Variants in RPRD1B observed in about 807,000 individuals in gnomAD.
The protein encoded by RPRD1B is regulation of nuclear pre-mRNA domain-containing protein 1B.
A neutral mutation model predicts 41.5 loss-of-function variants in RPRD1B; 11 were observed. That is an observed-to-expected ratio of 0.27 (90% confidence interval 0.17 to 0.44). The LOEUF is 0.44. RPRD1B is among the 20% of genes least tolerant of loss of function. The probability of loss-of-function intolerance (pLI) is 1.00; values close to 1 mark genes in which losing one functional copy is unlikely to be tolerated. For synonymous variants in RPRD1B, 158 were observed against 155.6 expected (o/e 1.02, Z -0.12); for missense variants, 248 against 389.9 (o/e 0.64, Z 3.06).
chr20:38,079,839 T>A (rs1180110397), intron 6 of RPRD1B, among the ~76,000 whole-genome samples: 1 of 152,216 alleles, frequency 6.6e-6, no homozygotes, highest in Admixed American at 6.5e-5. Flanking sequence ...ACATTCTCAC[T>A]AGCCCTTTAT....
At chr20:38,044,287 A>G (rs1471529650) in intron 2 of RPRD1B, among the ~76,000 whole-genome samples, 1 of 150,880 alleles carries the variant, frequency 6.6e-6, no homozygotes, top group East Asian at 1.9e-4. Context: ...CTCATTAAAG[A>G]CTCTGTGCCC....
intron 3 of RPRD1B, among the ~76,000 whole-genome samples, chr20:38,055,172 G>A (rs905615656): frequency 3.3e-5 from 5 of 151,998 alleles, no homozygotes; most frequent in African/African-American, 4.8e-5. Flanking sequence ...AAATGTGTAC[G>A]GAAACAAAAG....
chr20:38,065,262 A>T (rs1161666547), intron 5 of RPRD1B, among the ~76,000 whole-genome samples: 1 of 152,242 alleles, frequency 6.6e-6, no homozygotes, highest in East Asian at 1.9e-4. Context: ...ATCTCAGCTC[A>T]CTGCATATAG....
At chr20:38,059,268 A>G (rs2074273125) in intron 4 of RPRD1B, 126 bp from the exon 5 acceptor site, 1 of 970,124 alleles carries the variant, frequency 1.0e-6, no homozygotes, top group Non-Finnish European at 1.5e-6. Flanking sequence ...GGCTAAGAAC[A>G]GTTTTTTTTA....
chr20:38,060,250 C>A (rs1262344183), intron 5 of RPRD1B, among the ~76,000 whole-genome samples: 1 of 152,216 alleles, frequency 6.6e-6, no homozygotes. Context: ...CTAATCTAGG[C>A]TGCAAAGCCT....
chr20:38,060,904 G>A (rs893187610), intron 5 of RPRD1B, among the ~76,000 whole-genome samples: 1 of 152,014 alleles, frequency 6.6e-6, no homozygotes, highest in Non-Finnish European at 1.5e-5. Flanking sequence ...TCCCTTCAGT[G>A]TAGTCTCCTG....
rs569078779 is a variant in RPRD1B, at chr20:38,091,193, T to G, written c.*1318T>G. On this transcript the variant is annotated 3_prime_UTR_variant, in exon 7 of 7. Coordinates refer to ENST00000373433, the MANE Select transcript of RPRD1B (RefSeq NM_021215.4). ...TGCCCCAGTAGTGTAATAGGAGTTATAGACCAGAGGCTGAAACCCAAACTA... is the reference window on the plus strand; with the variant it reads ...TGCCCCAGTAGTGTAATAGGAGTTAGAGACCAGAGGCTGAAACCCAAACTA... 1.0e-6 allele frequency: 1 copy of G among 985,844 alleles called. No individual in the cohort carries two copies. Among genetic ancestry groups the G allele is most frequent in the African/African-American group, 1.7e-5 (1 of 57,354 alleles). 61.1% of individuals were successfully genotyped at this position (985,844 alleles called of 1,614,324 possible).
At chr20:38,048,922 A>G (rs1433549072) in intron 3 of RPRD1B, among the ~76,000 whole-genome samples, 1 of 152,158 alleles carries the variant, frequency 6.6e-6, no homozygotes, top group Non-Finnish European at 1.5e-5. Context: ...TATCCTTAGG[A>G]TTGTCAGCAT....
intron 6 of RPRD1B, among the ~76,000 whole-genome samples, chr20:38,073,894 TGA>T (rs1051524293): frequency 6.6e-6 from 1 of 152,224 alleles, no homozygotes; most frequent in Non-Finnish European, 1.5e-5. Context: ...TCCTGGGAGC[TGA>T]GAGGCCCTGC....
intron 3 of RPRD1B, among the ~76,000 whole-genome samples, chr20:38,051,593 A>G (rs545927433): frequency 1.3e-5 from 2 of 152,260 alleles, no homozygotes; most frequent in East Asian, 3.8e-4. Flanking sequence ...TCCCAGGTCT[A>G]TACGACTTTA....
Position 38,054,172 on chromosome 20 carries a change from A to G in RPRD1B, c.416-3360A>G, listed in dbSNP as rs182597870. Among the ~76,000 whole-genome samples the G allele has an allele frequency of 7.9e-4, 121 of 152,274 alleles. 1 individual carries two copies. Among genetic ancestry groups the G allele is most frequent in the Admixed American group, 1.3e-3 (20 of 15,296 alleles). The stretch of plus-strand genomic sequence containing the variant: ...AAACTGGGACCTTGGGATAGATTCT[A>G]ATGGTTTCCAAGGCCTTGTACCTGG... On this transcript the variant is annotated intron_variant, in intron 3 of 6. Transcript: ENST00000373433.
At position 38,066,065 on chromosome 20, in the gene RPRD1B, T is replaced by G. The variant is rs1459545242; in HGVS notation, c.656-16T>G. On this transcript the variant is annotated splice_polypyrimidine_tract_variant and intron_variant, in intron 5 of 6. Transcript: ENST00000373433. Reference sequence around the variant, plus strand: ...TTTGTATATTTTCTCTATTTTTTGGTCTCATTTGTACTTAGACAAAGAGGC... The same window carrying G: ...TTTGTATATTTTCTCTATTTTTTGGGCTCATTTGTACTTAGACAAAGAGGC... The G allele has an allele frequency of 1.5e-5, 24 of 1,608,912 alleles. No homozygotes were observed. The highest frequency in any genetic ancestry group is 1.9e-5 in the Non-Finnish European group (22 of 1,176,544).
At chr20:38,070,738 ATTTTTTT>A (rs201175296) in intron 6 of RPRD1B, 7 of 893,090 alleles carry the variant, frequency 7.8e-6, no homozygotes, top group African/African-American at 2.2e-5. Context: ...CTTAACTGTG[ATTTTTTT>A]TTTTTTTTTT....
intron 1 of RPRD1B, among the ~76,000 whole-genome samples, chr20:38,039,613 AG>A (rs2074042760): frequency 6.6e-6 from 1 of 151,972 alleles, no homozygotes; most frequent in Non-Finnish European, 1.5e-5. Flanking sequence ...CACGTTGGTC[AG>A]GCTGGTCTCA....
intron 6 of RPRD1B, among the ~76,000 whole-genome samples, chr20:38,088,380 C>G (rs1231117794): frequency 6.6e-6 from 1 of 152,174 alleles, no homozygotes; most frequent in Non-Finnish European, 1.5e-5. Flanking sequence ...CCCTCACTTT[C>G]AGATATGGAA....
chr20:38,082,810 A>C (rs1051133799), intron 6 of RPRD1B, among the ~76,000 whole-genome samples: 4 of 152,220 alleles, frequency 2.6e-5, no homozygotes, highest in Admixed American at 1.3e-4. Context: ...AATGGAAAGG[A>C]ATTGAAATTT....
intron 5 of RPRD1B, among the ~76,000 whole-genome samples, chr20:38,064,812 C>T (rs564114142): frequency 1.1e-4 from 16 of 152,172 alleles, no homozygotes; most frequent in African/African-American, 3.9e-4. Flanking sequence ...AGTGAAACCT[C>T]GTCTCTACTA....
At chr20:38,077,280 G>T (rs2074472035) in intron 6 of RPRD1B, among the ~76,000 whole-genome samples, 1 of 151,968 alleles carries the variant, frequency 6.6e-6, no homozygotes, top group Non-Finnish European at 1.5e-5. Flanking sequence ...GATGTTGATG[G>T]CCTACCTCTA....
At chr20:38,053,031 A>G (rs1025008378) in intron 3 of RPRD1B, among the ~76,000 whole-genome samples, 1 of 152,078 alleles carries the variant, frequency 6.6e-6, no homozygotes, top group Admixed American at 6.5e-5. Flanking sequence ...AAGTTGGAGG[A>G]TAGAATAGAA....
Sources: gnomAD v4.1 joint callset for allele counts (sites outside exome capture counted in the v4.1 genomes callset) on GRCh38, gnomAD v4.1.1 for gene constraint, MANE v1.5 for transcripts, NCBI Gene and HGNC (gene_info 2026-07-23, HGNC 2026-07-21) for gene names.